The following GMDS variants were observed in gnomAD, a reference collection of about 807,000 sequenced individuals.
GMDS encodes GDP-mannose 4,6 dehydratase.
In GMDS, 20 loss-of-function variants were observed where a neutral mutation model predicts 49.9. That is an observed-to-expected ratio of 0.40 (90% CI 0.28 to 0.58). The LOEUF (loss-of-function observed/expected upper bound fraction) is 0.58, where lower values mean the gene tolerates loss of function less well. Among genes scored for constraint, GMDS ranks in the 20% least tolerant of loss-of-function variants. The probability of loss-of-function intolerance (pLI) is 0.42; values close to 1 mark genes in which losing one functional copy is unlikely to be tolerated. For missense variants in GMDS, 362 were observed against 481.4 expected, an observed-to-expected ratio of 0.75 and a Z score of 2.32; for synonymous variants, 177 against 178.6, an observed-to-expected ratio of 0.99 and a Z score of 0.07.
At chr6:1,724,352 G>C (rs146131417) in intron 9 of GMDS, among the ~76,000 whole-genome samples, 11 of 152,290 alleles carry the variant, frequency 7.2e-5, no homozygotes, top group Non-Finnish European at 1.5e-4. Context: ...ATGCGGCGTC[G>C]GTCACGGCAG....
chr6:1,942,844 A>G (rs553538688), intron 6 of GMDS, among the ~76,000 whole-genome samples: 1 of 152,330 alleles, frequency 6.6e-6, no homozygotes, highest in South Asian at 2.1e-4. Flanking sequence ...TGCCATTTCT[A>G]AAGCCAGAGT....
chr6:2,144,556 G>A (rs750671200), intron 1 of GMDS, among the ~76,000 whole-genome samples: 45 of 152,170 alleles, frequency 3.0e-4, no homozygotes, highest in Non-Finnish European at 5.0e-4. Context: ...TGTAAGCAAG[G>A]GAATACTGCT....
At chr6:1,996,633 G>T (rs1033389599) in intron 4 of GMDS, among the ~76,000 whole-genome samples, 1 of 152,214 alleles carries the variant, frequency 6.6e-6, no homozygotes, top group African/African-American at 2.4e-5. Flanking sequence ...GTACAAAATG[G>T]TTGGCAGAAT....
intron 7 of GMDS, among the ~76,000 whole-genome samples, chr6:1,863,831 A>T (rs1443009518): frequency 6.6e-6 from 1 of 152,198 alleles, no homozygotes; most frequent in East Asian, 1.9e-4. Context: ...ACATTTCTGC[A>T]TTTTAGCAAA....
intron 4 of GMDS, among the ~76,000 whole-genome samples, chr6:2,021,151 T>C (rs1332516477): frequency 3.3e-5 from 5 of 152,264 alleles, no homozygotes; most frequent in Non-Finnish European, 7.3e-5. Flanking sequence ...GGCAGGTTTC[T>C]GCCTGTAGTG....
intron 7 of GMDS, among the ~76,000 whole-genome samples, chr6:1,838,287 G>A (rs1360824975): frequency 6.6e-6 from 1 of 152,168 alleles, no homozygotes; most frequent in African/African-American, 2.4e-5. Flanking sequence ...AGAGCTCTTG[G>A]CTCCAGACTT....
chr6:1,910,594 A>C (rs372486910), intron 7 of GMDS, among the ~76,000 whole-genome samples: 1 of 152,122 alleles, frequency 6.6e-6, no homozygotes, highest in African/African-American at 2.4e-5. Context: ...GGAACGGTGA[A>C]GTGATTGTAG....
chr6:1,882,780 A>G (rs1361219996), intron 7 of GMDS, among the ~76,000 whole-genome samples: 1 of 152,198 alleles, frequency 6.6e-6, no homozygotes, highest in Admixed American at 6.5e-5. Flanking sequence ...TATCTAATGG[A>G]TTTATAAGGA....
At chr6:2,007,227 CTGTG>C (rs376148793) in intron 4 of GMDS, among the ~76,000 whole-genome samples, 100 of 151,892 alleles carry the variant, frequency 6.6e-4, no homozygotes, top group African/African-American at 2.3e-3. Flanking sequence ...ACTTTAGGAG[CTGTG>C]TGTGTGTGTG....
intron 7 of GMDS, among the ~76,000 whole-genome samples, chr6:1,890,489 T>C (rs770159594): frequency 6.6e-6 from 1 of 152,090 alleles, no homozygotes; most frequent in East Asian, 1.9e-4. Context: ...TTATCAGATA[T>C]ATGACTTGCA....
At chr6:1,781,678 C>A (rs1043453599) in intron 7 of GMDS, among the ~76,000 whole-genome samples, 4 of 152,204 alleles carry the variant, frequency 2.6e-5, no homozygotes, top group African/African-American at 9.7e-5. Context: ...AGAATAACAT[C>A]CCGCTGTGAA....
intron 4 of GMDS, among the ~76,000 whole-genome samples, chr6:2,003,017 C>G (rs1766925308): frequency 6.6e-6 from 1 of 152,010 alleles, no homozygotes; most frequent in African/African-American, 2.4e-5. Flanking sequence ...TGAAGAATCC[C>G]TGTTTGAACA....
At chr6:1,648,976 T>C (rs1763567550) in intron 9 of GMDS, among the ~76,000 whole-genome samples, 1 of 152,246 alleles carries the variant, frequency 6.6e-6, no homozygotes, top group African/African-American at 2.4e-5. Context: ...AGAGAGAACA[T>C]GAGCTTACGT....
chr6:1,766,852 C>T lies in GMDS; in HGVS notation c.772-24266G>A, dbSNP rs1303621055. Among the ~76,000 whole-genome samples, 2 of 152,212 alleles carry T rather than the reference C, an allele frequency of 1.3e-5. No individual in the cohort carries two copies. The highest frequency in any genetic ancestry group is 4.8e-5 in the African/African-American group (2 of 41,446). ...ACTGACTGGACTAAACAAAGCCTGG[C>T]AATGGGCCAGATCTGGTCAGCTAGG... On this transcript the variant is annotated intron_variant, in intron 7 of 10. Coordinates refer to ENST00000380815, the MANE Select transcript of GMDS (RefSeq NM_001500.4). This position sits in a 1 kb window ranked among gnomAD's most constrained non-coding sequence, Gnocchi z 4.5.
chr6:1,767,959 T>C (rs1173959115), intron 7 of GMDS, among the ~76,000 whole-genome samples: 1 of 152,154 alleles, frequency 6.6e-6, no homozygotes, highest in East Asian at 1.9e-4. Flanking sequence ...TCACCGACTA[T>C]ACTGCCAGCT....
chr6:2,197,991 G>A (rs1047541002), intron 1 of GMDS, among the ~76,000 whole-genome samples: 3 of 152,128 alleles, frequency 2.0e-5, no homozygotes, highest in African/African-American at 4.8e-5. Flanking sequence ...ATTTACCATC[G>A]GGGAGACACT....
intron 9 of GMDS, among the ~76,000 whole-genome samples, chr6:1,707,047 G>C (rs1196312900): frequency 6.6e-6 from 1 of 152,168 alleles, no homozygotes; most frequent in Non-Finnish European, 1.5e-5. Context: ...AACTGAATCA[G>C]GCACGGAAAC....
intron 9 of GMDS, among the ~76,000 whole-genome samples, chr6:1,651,989 C>G (rs1763665894): frequency 6.6e-6 from 1 of 151,994 alleles, no homozygotes; most frequent in African/African-American, 2.4e-5. Flanking sequence ...TTGATGTTTT[C>G]TCTGCTGGCA....
At position 1,970,059 on chromosome 6, in the gene GMDS, A is replaced by G. The variant is rs117725494; in HGVS notation, c.346-9093T>C. Among the ~76,000 whole-genome samples the G allele has an allele frequency of 6.0e-4, 91 of 152,384 alleles. No individual in the cohort carries two copies. The East Asian group carries it at 0.017, about 28-fold the overall frequency. ...AAACTTTATATATGGAGCAAATTCC[A>G]TTTAAAAAATCTCAATGAATGAGCC... On this transcript the variant is annotated intron_variant, in intron 4 of 10. Coordinates refer to ENST00000380815, the MANE Select transcript of GMDS (RefSeq NM_001500.4).
Sources: gnomAD v4.1 joint callset for allele counts (sites outside exome capture counted in the v4.1 genomes callset) on GRCh38, gnomAD v4.1.1 for gene constraint, Gnocchi (gnomAD v3.1) non-coding constraint, MANE v1.5 for transcripts, NCBI Gene and HGNC (gene_info 2026-07-23, HGNC 2026-07-21) for gene names.